The following DSCAM variants were observed in gnomAD, a reference collection of about 807,000 sequenced individuals.
DSCAM encodes cell adhesion molecule DSCAM.
Under a neutral mutation model 217.7 loss-of-function variants are expected in DSCAM, and 47 were observed. The observed-to-expected ratio is 0.22, with a 90% confidence interval of 0.17 to 0.28. The LOEUF (loss-of-function observed/expected upper bound fraction) is 0.28, where lower values mean the gene tolerates loss of function less well. Ranked by LOEUF, DSCAM falls within the 10% of genes least tolerant of loss-of-function variation. DSCAM has a pLI of 1.00. For missense variants in DSCAM, 2,080 were observed against 2,618.3 expected, an observed-to-expected ratio of 0.79 and a Z score of 4.49; for synonymous variants, 1,056 against 1,015.3, an observed-to-expected ratio of 1.04 and a Z score of -0.76.
intron 32 of DSCAM, among the ~76,000 whole-genome samples, chr21:40,017,193 T>C (rs975777551): frequency 1.3e-5 from 2 of 151,982 alleles, no homozygotes; most frequent in Non-Finnish European, 2.9e-5. Flanking sequence ...TAAATGAGCA[T>C]ACAAATTTTC....
intron 16 of DSCAM, among the ~76,000 whole-genome samples, chr21:40,164,910 G>A (rs1449142276): frequency 5.3e-5 from 8 of 152,202 alleles, no homozygotes; most frequent in African/African-American, 1.7e-4. Flanking sequence ...TTAAATAAAT[G>A]TAATATCTAT....
Position 40,498,691 on chromosome 21 carries a change from ATATATAGATATATATAT to A in DSCAM, c.509-129463_509-129447del, listed in dbSNP as rs2076142339. 1.2e-3 allele frequency among the ~76,000 whole-genome samples: 9 copies of A among 7,376 alleles called. 2 individuals carry two copies. Among genetic ancestry groups the A allele is most frequent in the African/African-American group, 8.7e-3 (9 of 1,038 alleles). The allele number at this position is 7,376 out of a possible 152,430, so 4.8% of individuals were successfully genotyped here. On this transcript the variant is annotated intron_variant, in intron 3 of 32. Coordinates refer to ENST00000400454, the MANE Select transcript of DSCAM (RefSeq NM_001389.5). ...CCCATATATATATATATATATATAT[ATATATAGATATATATAT>A]ATGGGTGTATATATATATGGGTGTG...
At chr21:40,309,599 C>CGGT (rs2074116172) in intron 9 of DSCAM, among the ~76,000 whole-genome samples, 1 of 152,140 alleles carries the variant, frequency 6.6e-6, no homozygotes. Flanking sequence ...CTTGTCAATA[C>CGGT]CGTTCTTCCT....
chr21:40,567,174 AAC>A (rs1224712258), intron 3 of DSCAM, among the ~76,000 whole-genome samples: 1 of 152,198 alleles, frequency 6.6e-6, no homozygotes, highest in African/African-American at 2.4e-5. Context: ...AAGAAATTAA[AAC>A]AATTGTCATG....
At chr21:40,240,704 C>G (rs1421404692) in intron 11 of DSCAM, among the ~76,000 whole-genome samples, 2 of 152,120 alleles carry the variant, frequency 1.3e-5, no homozygotes, top group Admixed American at 1.3e-4. Context: ...ATTGATTGCC[C>G]TGTGTGAAAA....
At chr21:40,474,051 G>T (rs2075912185) in intron 3 of DSCAM, among the ~76,000 whole-genome samples, 1 of 152,160 alleles carries the variant, frequency 6.6e-6, no homozygotes, top group Non-Finnish European at 1.5e-5. Context: ...CTAGCACTTT[G>T]GGAGGCTGAG....
chr21:40,659,170 G>A (rs1247469471), intron 3 of DSCAM, among the ~76,000 whole-genome samples: 1 of 152,130 alleles, frequency 6.6e-6, no homozygotes, highest in Non-Finnish European at 1.5e-5. Flanking sequence ...CTAACTATTT[G>A]ATAAAAATGG....
At chr21:40,243,966 C>G (rs1453235166) in intron 11 of DSCAM, among the ~76,000 whole-genome samples, 1 of 152,120 alleles carries the variant, frequency 6.6e-6, no homozygotes, top group Non-Finnish European at 1.5e-5. Flanking sequence ...CCCCAGAAAG[C>G]ACAGCTAAAG....
At chr21:40,291,863 G>C (rs771988169) in intron 10 of DSCAM, among the ~76,000 whole-genome samples, 1 of 152,194 alleles carries the variant, frequency 6.6e-6, no homozygotes, top group African/African-American at 2.4e-5. Flanking sequence ...GAGAGCAAAG[G>C]AGGCCCAGGC....
chr21:40,156,317 GAGAGAGA>G (rs1198648216), intron 16 of DSCAM, among the ~76,000 whole-genome samples: 1 of 150,260 alleles, frequency 6.7e-6, no homozygotes, highest in Non-Finnish European at 1.5e-5. Flanking sequence ...GAGAGAGAGA[GAGAGAGA>G]GAGAGAGAGA....
At chr21:40,735,595 A>C (rs1330063629) in intron 1 of DSCAM, among the ~76,000 whole-genome samples, 1 of 152,172 alleles carries the variant, frequency 6.6e-6, no homozygotes, top group Non-Finnish European at 1.5e-5. Flanking sequence ...TTGAAATGTC[A>C]TTGCATCCTT....
intron 1 of DSCAM, among the ~76,000 whole-genome samples, chr21:40,793,515 G>A (rs1050678022): frequency 2.6e-5 from 4 of 151,938 alleles, no homozygotes; most frequent in Admixed American, 6.6e-5. Flanking sequence ...TTTTTGAGAC[G>A]GGGTCTCACT....
At chr21:40,495,352 T>C (rs1005519773) in intron 3 of DSCAM, among the ~76,000 whole-genome samples, 5 of 152,134 alleles carry the variant, frequency 3.3e-5, no homozygotes, top group African/African-American at 1.2e-4. Flanking sequence ...ATCAGTACGA[T>C]TGGTCCCTAG....
At chr21:40,563,724 A>G (rs1279498181) in intron 3 of DSCAM, among the ~76,000 whole-genome samples, 1 of 146,094 alleles carries the variant, frequency 6.8e-6, no homozygotes, top group Admixed American at 6.9e-5. Context: ...ATGTTTATAT[A>G]TGTTTATATG....
intron 11 of DSCAM, among the ~76,000 whole-genome samples, chr21:40,242,096 T>A (rs1053008242): frequency 1.3e-5 from 2 of 151,494 alleles, no homozygotes; most frequent in African/African-American, 4.9e-5. Flanking sequence ...CAAACCCCAG[T>A]GATATGTGTT....
intron 11 of DSCAM, among the ~76,000 whole-genome samples, chr21:40,267,605 C>A (rs1267921085): frequency 1.3e-5 from 2 of 152,126 alleles, no homozygotes; most frequent in Non-Finnish European, 2.9e-5. Context: ...AACATAAAAT[C>A]TGGATTATGG....
chr21:40,364,102 T>C (rs1365400818), intron 4 of DSCAM, among the ~76,000 whole-genome samples: 2 of 152,168 alleles, frequency 1.3e-5, no homozygotes, highest in African/African-American at 2.4e-5. Context: ...AGTTCAAACA[T>C]TGTGAAAGTC....
chr21:40,121,221 A>G (rs2146662062), intron 20 of DSCAM, among the ~76,000 whole-genome samples: 1 of 152,338 alleles, frequency 6.6e-6, no homozygotes, highest in South Asian at 2.1e-4. Flanking sequence ...CAAATTGCAG[A>G]AACTGATGAA....
intron 3 of DSCAM, among the ~76,000 whole-genome samples, chr21:40,563,673 T>G (rs926977903): frequency 3.1e-5 from 4 of 128,672 alleles, no homozygotes; most frequent in African/African-American, 1.3e-4. Flanking sequence ...TTTATATATA[T>G]GTTTATATGT....
Sources: allele counts gnomAD v4.1 joint callset (sites outside exome capture counted in the v4.1 genomes callset), GRCh38; gene constraint gnomAD v4.1.1; transcripts MANE v1.5; gene names NCBI Gene and HGNC (gene_info 2026-07-23, HGNC 2026-07-21).